The following PIGL variants were observed in gnomAD, a reference collection of about 807,000 sequenced individuals.
PIGL encodes phosphatidylinositol glycan anchor biosynthesis class L.
In PIGL, 22 loss-of-function variants were observed where a neutral mutation model predicts 31.1. That is an observed-to-expected ratio of 0.71 (90% CI 0.51 to 1.01). The LOEUF is 1.01. PIGL is among the 50% of genes least tolerant of loss of function. The pLI is 0.00. For synonymous variants in PIGL, 131 were observed against 117.4 expected, an observed-to-expected ratio of 1.12 and a Z score of -0.75; for missense variants, 302 against 315.9, an observed-to-expected ratio of 0.96 and a Z score of 0.33.
intron 2 of PIGL, among the ~76,000 whole-genome samples, chr17:16,258,077 G>GAGAGAGAGAGAGAGAGAGAGAA (rs2092802417): frequency 1.6e-5 from 2 of 123,434 alleles, no homozygotes; most frequent in Non-Finnish European, 3.4e-5. Context: ...GAAAGAGAGA[G>GAGAGAGAGAGAGAGAGAGAGAA]AGAGAGAGAG....
intron 2 of PIGL, among the ~76,000 whole-genome samples, chr17:16,295,184 A>G (rs1056401644): frequency 1.3e-5 from 2 of 152,020 alleles, no homozygotes; most frequent in African/African-American, 4.8e-5. Flanking sequence ...CGGGCGGATC[A>G]TCTGAGGTCA....
chr17:16,303,304 G>A (rs1377393584), intron 3 of PIGL, among the ~76,000 whole-genome samples: 1 of 152,160 alleles, frequency 6.6e-6, no homozygotes, highest in African/African-American at 2.4e-5. Flanking sequence ...TGAAGGCCAA[G>A]GCTGTGCCTG....
intron 1 of PIGL, among the ~76,000 whole-genome samples, chr17:16,225,453 A>G (rs1383022165): frequency 6.8e-6 from 1 of 147,478 alleles, no homozygotes; most frequent in Non-Finnish European, 1.5e-5. Flanking sequence ...CAGTGGCACA[A>G]TCTCAGCTCA....
intron 2 of PIGL, among the ~76,000 whole-genome samples, chr17:16,260,842 G>A (rs1308040693): frequency 1.3e-5 from 2 of 152,040 alleles, no homozygotes; most frequent in East Asian, 1.9e-4. Flanking sequence ...TAATACAGCC[G>A]GTCACAGTGG....
intron 2 of PIGL, among the ~76,000 whole-genome samples, chr17:16,289,047 C>T (rs1304926335): frequency 6.6e-6 from 1 of 152,094 alleles, no homozygotes; most frequent in African/African-American, 2.4e-5. Context: ...TACAACCTTA[C>T]CGGATATTTC....
chr17:16,227,790 G>A (rs897449516), intron 1 of PIGL, among the ~76,000 whole-genome samples: 1 of 151,666 alleles, frequency 6.6e-6, no homozygotes, highest in African/African-American at 2.4e-5. Flanking sequence ...ATGTTGGTCA[G>A]GCTGGTCTCG....
At chr17:16,298,101 T>G (rs2092990221) in intron 2 of PIGL, among the ~76,000 whole-genome samples, 1 of 152,152 alleles carries the variant, frequency 6.6e-6, no homozygotes, top group African/African-American at 2.4e-5. Flanking sequence ...TCCATGAAAC[T>G]GGTCCCTGGT....
intron 3 of PIGL, among the ~76,000 whole-genome samples, chr17:16,305,798 G>T (rs1295953049): frequency 6.6e-6 from 1 of 152,154 alleles, no homozygotes; most frequent in African/African-American, 2.4e-5. Context: ...CTTTTTTGTA[G>T]CAAGATGGGG....
At chr17:16,287,212 C>T (rs1312564401) in intron 2 of PIGL, among the ~76,000 whole-genome samples, 1 of 150,888 alleles carries the variant, frequency 6.6e-6, no homozygotes, top group African/African-American at 2.5e-5. Flanking sequence ...GCTCCTCCTG[C>T]TGTCTGCCCC....
Position 16,273,236 on chromosome 17 carries a change from G to T in PIGL, c.336-26652G>T, listed in dbSNP as rs150807644. Among the ~76,000 whole-genome samples, 676 of 152,272 alleles carry T rather than the reference G, an allele frequency of 4.4e-3. 8 individuals carry two copies. Among genetic ancestry groups the T allele is most frequent in the African/African-American group, 0.015 (632 of 41,568 alleles). ...GATGCAGGAGCCAGGAAAGACACTA[G>T]AGACAGGTTGCCTGTGATCTGAGCT... On this transcript the variant is annotated intron_variant, in intron 2 of 6. Transcript: ENST00000225609.
chr17:16,302,071 AT>A (rs1165736193), intron 3 of PIGL, among the ~76,000 whole-genome samples: 2 of 152,122 alleles, frequency 1.3e-5, no homozygotes, highest in Non-Finnish European at 2.9e-5. Context: ...TACAACTGAA[AT>A]TTAGTACACA....
chr17:16,257,072 T>C (rs970271280), intron 2 of PIGL, among the ~76,000 whole-genome samples: 1 of 152,012 alleles, frequency 6.6e-6, no homozygotes, highest in Non-Finnish European at 1.5e-5. Flanking sequence ...GCCACTGCAC[T>C]CTAGCCTGGA....
At chr17:16,307,258 G>T (rs1881843825) in intron 3 of PIGL, among the ~76,000 whole-genome samples, 1 of 152,220 alleles carries the variant, frequency 6.6e-6, no homozygotes, top group Non-Finnish European at 1.5e-5. Context: ...GATGTTTGGT[G>T]ACTGGACCTT....
Position 16,317,484 on chromosome 17 carries a change from C to A in PIGL, c.527-291C>A, listed in dbSNP as rs913632980. 7.0e-6 allele frequency: 8 copies of A among 1,135,484 alleles called. No individual in the cohort carries two copies. The African/African-American group carries it at 9.4e-5, about 13-fold the overall frequency. 70.3% of individuals were successfully genotyped at this position (1,135,484 alleles called of 1,614,324 possible). On this transcript the variant is annotated intron_variant, in intron 5 of 6. Transcript: ENST00000225609. ...AATACAGTAATTCCTGTCTCCTTTACTTCCTTTGGCTTTGAGGTAGCCAGA... is the reference window on the plus strand; with the variant it reads ...AATACAGTAATTCCTGTCTCCTTTAATTCCTTTGGCTTTGAGGTAGCCAGA...
At chr17:16,282,151 TAGCACATATCCCAAATTTCCTTC>T (rs1178098537) in intron 2 of PIGL, 1 of 437,072 alleles carries the variant, frequency 2.3e-6, no homozygotes, top group African/African-American at 2.0e-5. Flanking sequence ...TCCTGGGAAT[TAGCACATATCCCAAATTTCCTTC>T]AGCTTTGCCT....
At chr17:16,296,936 G>A (rs141877014) in intron 2 of PIGL, among the ~76,000 whole-genome samples, 7,334 of 152,004 alleles carry the variant, frequency 0.048, 219 homozygotes, top group African/African-American at 0.089. Context: ...TAGCCAGGAT[G>A]GTCTCAATCT....
At chr17:16,320,334 A>T (rs1298633894) in intron 6 of PIGL, among the ~76,000 whole-genome samples, 1 of 132,174 alleles carries the variant, frequency 7.6e-6, no homozygotes, top group Non-Finnish European at 1.6e-5. Flanking sequence ...AAGCGAAGGA[A>T]GGAAGGGAAG....
intron 6 of PIGL, chr17:16,324,277 T>G (rs1437311615): frequency 6.6e-6 from 1 of 152,122 alleles, no homozygotes; most frequent in East Asian, 1.9e-4. Flanking sequence ...TTCGTCTTAT[T>G]ATCTTATAAT....
At chr17:16,292,062 C>T (rs2092963434) in intron 2 of PIGL, among the ~76,000 whole-genome samples, 1 of 126,432 alleles carries the variant, frequency 7.9e-6, no homozygotes, top group Non-Finnish European at 1.6e-5. Context: ...TGAGATGGAG[C>T]CTTGCTCTGT....
Sources: gnomAD v4.1 joint callset for allele counts (sites outside exome capture counted in the v4.1 genomes callset) on GRCh38, gnomAD v4.1.1 for gene constraint, MANE v1.5 for transcripts, NCBI Gene and HGNC (gene_info 2026-07-23, HGNC 2026-07-21) for gene names.